Variants in AXDND1 observed in about 807,000 individuals in gnomAD.
The protein encoded by AXDND1 is axonemal dynein light chain domain-containing protein 1.
A neutral mutation model predicts 137.5 loss-of-function variants in AXDND1; 110 were observed. That is an observed-to-expected ratio of 0.80 (90% confidence interval 0.69 to 0.94). The LOEUF (loss-of-function observed/expected upper bound fraction) is 0.94. Ranked by LOEUF, AXDND1 falls within the 40% of genes least tolerant of loss-of-function variation. AXDND1 has a pLI of 0.00. For synonymous variants in AXDND1, 414 were observed against 399.7 expected, an observed-to-expected ratio of 1.04 and a Z score of -0.43; for missense variants, 1,191 against 1,169.8, an observed-to-expected ratio of 1.02 and a Z score of -0.26.
At chr1:179,377,240 G>A (rs528900507) in intron 4 of AXDND1, among the ~76,000 whole-genome samples, 33 of 152,170 alleles carry the variant, frequency 2.2e-4, no homozygotes, top group Non-Finnish European at 3.8e-4. Context: ...CCTTGAAATT[G>A]TAATATTTCT....
intron 18 of AXDND1, among the ~76,000 whole-genome samples, chr1:179,489,467 G>T (rs1028553083): frequency 3.9e-5 from 6 of 152,054 alleles, no homozygotes; most frequent in Admixed American, 3.9e-4. Context: ...TATAATCTAG[G>T]CCATTGGTAT....
intron 18 of AXDND1, among the ~76,000 whole-genome samples, chr1:179,485,734 A>G (rs1486807642): frequency 8.9e-6 from 1 of 111,952 alleles, no homozygotes; most frequent in Non-Finnish European, 2.0e-5. Context: ...AGGAACAAAG[A>G]TCATCAACGT....
chr1:179,477,254 T>A (rs368354380), intron 17 of AXDND1, among the ~76,000 whole-genome samples: 1 of 152,176 alleles, frequency 6.6e-6, no homozygotes, highest in African/African-American at 2.4e-5. Flanking sequence ...TATAATACCT[T>A]CCTTTGTTTA....
chr1:179,523,246 T>G (rs894512266), intron 21 of AXDND1, among the ~76,000 whole-genome samples: 1 of 17,058 alleles, frequency 5.9e-5, no homozygotes, highest in African/African-American at 1.8e-4. Flanking sequence ...TGTTTTTGTT[T>G]TTTTTTTTTT....
chr1:179,511,393 G>GGGGGGT (rs146749734), intron 21 of AXDND1, among the ~76,000 whole-genome samples: 3 of 145,076 alleles, frequency 2.1e-5, no homozygotes, highest in African/African-American at 7.6e-5. Flanking sequence ...TGGTATATGG[G>GGGGGGT]GTGTGTGTGT....
intron 18 of AXDND1, among the ~76,000 whole-genome samples, chr1:179,490,945 G>C (rs1666816383): frequency 6.6e-6 from 1 of 152,176 alleles, no homozygotes; most frequent in Admixed American, 6.5e-5. Flanking sequence ...GCATCCTTGT[G>C]AGTTTGCTGT....
At chr1:179,408,968 CTTTTT>C (rs74384865) in intron 11 of AXDND1, among the ~76,000 whole-genome samples, 2,807 of 126,338 alleles carry the variant, frequency 0.022, 56 homozygotes, top group East Asian at 0.082. Flanking sequence ...TTTTTTCTTT[CTTTTT>C]TTTTTTTTTT....
At chr1:179,499,366 C>G (rs948017750) in intron 20 of AXDND1, among the ~76,000 whole-genome samples, 3 of 129,646 alleles carry the variant, frequency 2.3e-5, no homozygotes, top group Non-Finnish European at 5.1e-5. Flanking sequence ...CATATTTATT[C>G]ACATAAAATA....
At chr1:179,449,213 G>A (rs959862106) in intron 16 of AXDND1, 3 of 429,170 alleles carry the variant, frequency 7.0e-6, no homozygotes, top group Non-Finnish European at 1.4e-5. Flanking sequence ...TAGTGTGTGA[G>A]GTAAGGCTCT....
At chr1:179,513,367 T>G (rs183004958) in intron 21 of AXDND1, among the ~76,000 whole-genome samples, 1 of 152,226 alleles carries the variant, frequency 6.6e-6, no homozygotes, top group Non-Finnish European at 1.5e-5. Context: ...GTATCACATT[T>G]ATTGACTTGT....
chr1:179,423,642 A>G (rs915871211), intron 12 of AXDND1, among the ~76,000 whole-genome samples: 35 of 152,300 alleles, frequency 2.3e-4, no homozygotes, highest in Admixed American at 2.1e-3. Context: ...AAAACATTGT[A>G]TAACAGGTTT....
At chr1:179,407,137 T>C (rs1653098028) in intron 11 of AXDND1, among the ~76,000 whole-genome samples, 1 of 152,192 alleles carries the variant, frequency 6.6e-6, no homozygotes, top group Admixed American at 6.5e-5. Flanking sequence ...TCCTCAGTTT[T>C]TGCTTATCTG....
At chr1:179,419,366 C>T (rs1402960966) in intron 12 of AXDND1, among the ~76,000 whole-genome samples, 1 of 151,590 alleles carries the variant, frequency 6.6e-6, no homozygotes, top group Non-Finnish European at 1.5e-5. Flanking sequence ...AATCCCGGCA[C>T]CTCGGGAGGC....
intron 21 of AXDND1, among the ~76,000 whole-genome samples, chr1:179,511,260 A>G (rs1218486708): frequency 6.6e-6 from 1 of 151,668 alleles, no homozygotes; most frequent in African/African-American, 2.4e-5. Flanking sequence ...TCCATCATAT[A>G]TATACATATA....
intron 16 of AXDND1, chr1:179,456,033 A>T (rs1449167245): frequency 2.4e-6 from 1 of 418,570 alleles, no homozygotes; most frequent in Non-Finnish European, 4.7e-6. Context: ...ATAACCTGTT[A>T]TAGAGTTAGT....
At chr1:179,524,719 C>G (rs1157467416) in intron 21 of AXDND1, among the ~76,000 whole-genome samples, 1 of 152,158 alleles carries the variant, frequency 6.6e-6, no homozygotes, top group Non-Finnish European at 1.5e-5. Context: ...TCTTCATTCC[C>G]GCAGCCACTG....
intron 11 of AXDND1, among the ~76,000 whole-genome samples, chr1:179,405,878 A>C (rs1652879149): frequency 1.3e-5 from 2 of 151,576 alleles, no homozygotes; most frequent in South Asian, 4.2e-4. Flanking sequence ...TTCTGCTCTG[A>C]CATTTATTAT....
intron 15 of AXDND1, among the ~76,000 whole-genome samples, chr1:179,440,856 T>C (rs780159529): frequency 2.0e-5 from 3 of 152,220 alleles, no homozygotes; most frequent in Non-Finnish European, 4.4e-5. Flanking sequence ...ATAAGCTGAA[T>C]CACAGACAAT....
intron 20 of AXDND1, among the ~76,000 whole-genome samples, chr1:179,505,458 G>C (rs1008452497): frequency 2.6e-5 from 4 of 152,042 alleles, no homozygotes; most frequent in African/African-American, 9.7e-5. Context: ...TTTGAGACCA[G>C]CCTGGCCAAC....
Sources: gnomAD v4.1 joint callset for allele counts (sites outside exome capture counted in the v4.1 genomes callset) on GRCh38, gnomAD v4.1.1 for gene constraint, MANE v1.5 for transcripts, NCBI Gene and HGNC (gene_info 2026-07-23, HGNC 2026-07-21) for gene names.